The following CNOT10 variants were observed in gnomAD, a reference collection of about 807,000 sequenced individuals.
CNOT10 encodes the protein CCR4-NOT transcription complex, subunit 10.
Under a neutral mutation model 94.6 loss-of-function variants are expected in CNOT10, and 30 were observed. The observed-to-expected ratio is 0.32, with a 90% CI of 0.24 to 0.43. The LOEUF is 0.43. CNOT10 is among the 20% of genes least tolerant of loss of function. The pLI, the probability that CNOT10 is intolerant of heterozygous loss-of-function variation, is 1.00. For synonymous variants in CNOT10, 289 were observed against 301.6 expected (o/e 0.96, Z 0.43); for missense variants, 759 against 877.2 (o/e 0.87, Z 1.70).
At position 32,769,870 on chromosome 3, in the gene CNOT10, TTC is replaced by T. The variant is rs752527795; in HGVS notation, c.2005-15_2005-14del. 61 of 1,610,062 alleles carry T rather than the reference TTC, an allele frequency of 3.8e-5. 1 individual carries two copies. In the Admixed American group the frequency reaches 9.8e-4, roughly 26 times the overall value. ...AGCTTTTGTTTTTTCACGGGCATCT[TTC>T]TGTTTTGAGCAAAGGCGGCTTCAAT... On this transcript the variant is annotated splice_polypyrimidine_tract_variant and intron_variant, in intron 17 of 18. Coordinates refer to ENST00000328834, the MANE Select transcript of CNOT10 (RefSeq NM_015442.3).
In CNOT10 at chr3:32,728,032, T is replaced by C. The variant is rs369217294; in HGVS notation, c.1215+162T>C. 3.3e-5 allele frequency among the ~76,000 whole-genome samples: 5 copies of C among 151,094 alleles called. No individual in the cohort carries two copies. In the East Asian group the frequency reaches 9.7e-4, roughly 29 times the overall value. On this transcript the variant is annotated intron_variant, in intron 10 of 18. Transcript: ENST00000328834. ...ATTTTTTGAGACGGAGTTTCTCTCT[T>C]ATTGCCCAGGCTGGAGTGCAATGTT...
chr3:32,734,729 T>G, intron 11 of CNOT10, 71 bp from the exon 12 acceptor site: 2 of 1,236,190 alleles, frequency 1.6e-6, no homozygotes, highest in Non-Finnish European at 2.3e-6. Context: ...ATTGGTTTTA[T>G]TCCTCATAAT....
intron 1 of CNOT10, among the ~76,000 whole-genome samples, chr3:32,697,969 G>A (rs894059044): frequency 6.6e-6 from 1 of 152,304 alleles, no homozygotes; most frequent in South Asian, 2.1e-4. Context: ...ACAATATGTG[G>A]ATTGAGGATC....
intron 4 of CNOT10, among the ~76,000 whole-genome samples, chr3:32,712,266 C>G (rs1390081343): frequency 6.6e-6 from 1 of 152,096 alleles, no homozygotes; most frequent in African/African-American, 2.4e-5. Flanking sequence ...CCTGGTCCAC[C>G]CTTCTGCCTT....
chr3:32,741,268 G>A (rs1358563845), intron 13 of CNOT10, among the ~76,000 whole-genome samples: 2 of 151,852 alleles, frequency 1.3e-5, no homozygotes, highest in Non-Finnish European at 2.9e-5. Context: ...CTTTTTATTG[G>A]TGAGTATTAT....
intron 17 of CNOT10, among the ~76,000 whole-genome samples, chr3:32,768,682 G>A (rs893701590): frequency 2.6e-5 from 4 of 152,128 alleles, no homozygotes; most frequent in Admixed American, 1.3e-4. Context: ...TTTCTGAAAA[G>A]AGTTGTTATA....
At chr3:32,706,661 T>C (rs1213548915) in intron 3 of CNOT10, among the ~76,000 whole-genome samples, 1 of 152,240 alleles carries the variant, frequency 6.6e-6, no homozygotes, top group African/African-American at 2.4e-5. Context: ...TGTGTGATAA[T>C]TATTCAACCA....
chr3:32,748,269 A>G (rs144694284), intron 13 of CNOT10, among the ~76,000 whole-genome samples: 31 of 152,312 alleles, frequency 2.0e-4, no homozygotes, highest in African/African-American at 7.5e-4. Context: ...TGTTGTTACT[A>G]TGTCACAGTT....
chr3:32,699,672 G>A (rs1251888279), intron 1 of CNOT10, among the ~76,000 whole-genome samples: 1 of 152,138 alleles, frequency 6.6e-6, no homozygotes, highest in Non-Finnish European at 1.5e-5. Context: ...CGAAAGTGGA[G>A]GCTACTATGA....
intron 9 of CNOT10, among the ~76,000 whole-genome samples, chr3:32,726,427 G>T (rs971546619): frequency 6.6e-6 from 1 of 152,006 alleles, no homozygotes; most frequent in African/African-American, 2.4e-5. Context: ...AGGGGCGGTG[G>T]CTCACGCCTG....
intron 10 of CNOT10, among the ~76,000 whole-genome samples, chr3:32,731,388 C>T (rs1698947285): frequency 6.6e-6 from 1 of 152,142 alleles, no homozygotes; most frequent in South Asian, 2.1e-4. Context: ...TATTGATTGA[C>T]TCCGGTTTGT....
rs57427218 is a variant in CNOT10, at chr3:32,770,317, ATTTT to A, written c.2080+378_2080+381del. ...GCCACCATGCTCAGCCAAGGCTGAG[ATTTT>A]TTTTTTTTTTTTTTTTTTTTTTGAG... On this transcript the variant is annotated intron_variant, in intron 18 of 18. Coordinates refer to ENST00000328834, the MANE Select transcript of CNOT10 (RefSeq NM_015442.3). 8.6e-4 allele frequency among the ~76,000 whole-genome samples: 40 copies of A among 46,302 alleles called. 1 individual carries two copies. Among genetic ancestry groups the A allele is most frequent in the African/African-American group, 1.5e-3 (18 of 11,620 alleles). The allele number at this position is 46,302 out of a possible 152,430, so 30.4% of individuals were successfully genotyped here.
intron 1 of CNOT10, among the ~76,000 whole-genome samples, chr3:32,694,867 G>C (rs771981820): frequency 1.4e-4 from 21 of 152,120 alleles, no homozygotes; most frequent in Non-Finnish European, 2.9e-4. Context: ...GAGATTATAG[G>C]TGTGAGTCAC....
chr3:32,751,609 GTC>G (rs760429529), intron 13 of CNOT10, among the ~76,000 whole-genome samples: 2 of 152,158 alleles, frequency 1.3e-5, no homozygotes, highest in Non-Finnish European at 2.9e-5. Flanking sequence ...GTGGTCCAGT[GTC>G]TATAAAAGAA....
At chr3:32,746,205 A>G (rs145584315) in intron 13 of CNOT10, among the ~76,000 whole-genome samples, 75 of 152,348 alleles carry the variant, frequency 4.9e-4, no homozygotes, top group Middle Eastern at 3.4e-3. Flanking sequence ...ATATAAACGC[A>G]TCAATTTAAG....
rs1697485842 is a variant in CNOT10 at position 32,703,861 on chromosome 3, T to G, written c.23-7T>G. 12 of 1,606,362 alleles carry G rather than the reference T, an allele frequency of 7.5e-6. No individual in the cohort carries two copies. The highest frequency in any genetic ancestry group is 9.4e-6 in the Non-Finnish European group (11 of 1,173,524). On this transcript the variant is annotated splice_polypyrimidine_tract_variant and splice_region_variant and intron_variant, in intron 1 of 18. Coordinates refer to ENST00000328834, the MANE Select transcript of CNOT10 (RefSeq NM_015442.3). The stretch of plus-strand genomic sequence containing the variant: ...TCTAAAGAACTGTAAAATTTGTGTG[T>G]TTGCAGATCAGGGAGCAGAGAAACA...
Position 32,737,531 on chromosome 3 carries a change from G to C in CNOT10, c.1595+41G>C, listed in dbSNP as rs1238189561. On this transcript the variant is annotated intron_variant, in intron 13 of 18. Coordinates refer to ENST00000328834, the MANE Select transcript of CNOT10 (RefSeq NM_015442.3). ...AAATTAGCATTGCATCTATTGAAAT[G>C]AACATATTCATGGCTGGGCACAGTG... 6 of 1,324,130 alleles carry C rather than the reference G, an allele frequency of 4.5e-6. 1 individual carries two copies. The Admixed American group carries it at 6.9e-5, about 15-fold the overall frequency. 82.0% of individuals were successfully genotyped at this position (1,324,130 alleles called of 1,614,324 possible).
intron 9 of CNOT10, among the ~76,000 whole-genome samples, chr3:32,727,278 G>T (rs185060079): frequency 2.0e-5 from 3 of 152,012 alleles, no homozygotes; most frequent in Non-Finnish European, 4.4e-5. Flanking sequence ...AGACCAGCCT[G>T]GGCAACATAG....
chr3:32,762,987 AT>A, intron 15 of CNOT10, 124 bp downstream of exon 15: 1 of 1,006,024 alleles, frequency 9.9e-7, no homozygotes, highest in Non-Finnish European at 1.4e-6. Context: ...GGCTTTCCAC[AT>A]TTTTGTCTGT....
Sources: gnomAD v4.1 joint callset for allele counts (sites outside exome capture counted in the v4.1 genomes callset) on GRCh38, gnomAD v4.1.1 for gene constraint, MANE v1.5 for transcripts, NCBI Gene and HGNC (gene_info 2026-07-23, HGNC 2026-07-21) for gene names.